Variants in SLC8A1 observed in about 807,000 individuals in gnomAD.
The protein encoded by SLC8A1 is solute carrier family 8 member A1, also known as sodium/calcium exchanger 1.
Under a neutral mutation model 68.3 loss-of-function variants are expected in SLC8A1, and 18 were observed. That is an observed-to-expected ratio of 0.26 (90% CI 0.18 to 0.39). The LOEUF (loss-of-function observed/expected upper bound fraction) is 0.39, where lower values mean the gene tolerates loss of function less well. SLC8A1 is among the 10% of genes least tolerant of loss of function. SLC8A1 has a pLI of 1.00. For synonymous variants in SLC8A1, 475 were observed against 415.5 expected, an observed-to-expected ratio of 1.14 and a Z score of -1.74; for missense variants, 985 against 1,156.7, an observed-to-expected ratio of 0.85 and a Z score of 2.15.
At chr2:40,352,648 C>T (rs1328153971) in intron 2 of SLC8A1, among the ~76,000 whole-genome samples, 2 of 152,156 alleles carry the variant, frequency 1.3e-5, no homozygotes, top group African/African-American at 4.8e-5. Context: ...AAGAGGATTT[C>T]TATGTGTACT....
intron 1 of SLC8A1, among the ~76,000 whole-genome samples, chr2:40,467,622 T>A (rs1286192202): frequency 6.6e-6 from 1 of 152,188 alleles, no homozygotes; most frequent in Non-Finnish European, 1.5e-5. Flanking sequence ...ATATAGTATG[T>A]CTTTCTATTT....
At chr2:40,444,931 T>C (rs930098652) in intron 1 of SLC8A1, among the ~76,000 whole-genome samples, 2 of 152,202 alleles carry the variant, frequency 1.3e-5, no homozygotes, top group Non-Finnish European at 2.9e-5. Context: ...ATTTTGCGTG[T>C]ACTTATCTTC....
chr2:40,326,832 T>C (rs1018367494), intron 2 of SLC8A1, among the ~76,000 whole-genome samples: 14 of 152,118 alleles, frequency 9.2e-5, no homozygotes, highest in Non-Finnish European at 1.8e-4. Context: ...TCCATTTAAA[T>C]TGACGATGTA....
At chr2:40,358,397 A>G (rs528693706) in intron 2 of SLC8A1, among the ~76,000 whole-genome samples, 1 of 152,210 alleles carries the variant, frequency 6.6e-6, no homozygotes, top group African/African-American at 2.4e-5. Context: ...GCAAAAGAAC[A>G]GTACTATCGT....
intron 2 of SLC8A1, 73 bp downstream of exon 2, chr2:40,428,400 C>A: frequency 7.0e-7 from 1 of 1,429,032 alleles, no homozygotes; most frequent in African/African-American, 1.5e-5. Context: ...GATGCACAGA[C>A]TCACATTCAT....
chr2:40,417,603 G>A (rs752324012), intron 2 of SLC8A1, among the ~76,000 whole-genome samples: 15 of 152,092 alleles, frequency 9.9e-5, no homozygotes, highest in African/African-American at 3.1e-4. Context: ...AGACCTCTCC[G>A]GCTCAAGTGA....
At chr2:40,131,851 G>C (rs911278005) in intron 7 of SLC8A1, among the ~76,000 whole-genome samples, 1 of 112,322 alleles carries the variant, frequency 8.9e-6, no homozygotes, top group African/African-American at 3.2e-5. Flanking sequence ...GATTATCTTG[G>C]TATTCTATTT....
At chr2:40,388,936 G>T (rs1484455634) in intron 2 of SLC8A1, among the ~76,000 whole-genome samples, 1 of 152,076 alleles carries the variant, frequency 6.6e-6, no homozygotes, top group African/African-American at 2.4e-5. Context: ...TGAATCTAGG[G>T]AACAAAGGAT....
chr2:40,482,939 C>A (rs960946474), intron 1 of SLC8A1, among the ~76,000 whole-genome samples: 1 of 150,668 alleles, frequency 6.6e-6, no homozygotes, highest in Admixed American at 6.6e-5. Context: ...TACAGGCGCC[C>A]GCCACCACGC....
chr2:40,481,892 T>G (rs1433104115), intron 1 of SLC8A1, among the ~76,000 whole-genome samples: 2 of 152,100 alleles, frequency 1.3e-5, no homozygotes, highest in Non-Finnish European at 2.9e-5. Flanking sequence ...AATTTTTGAG[T>G]CAGGATTATA....
At chr2:40,289,806 AG>A (rs1431878687) in intron 2 of SLC8A1, among the ~76,000 whole-genome samples, 1 of 152,104 alleles carries the variant, frequency 6.6e-6, no homozygotes, top group Non-Finnish European at 1.5e-5. Context: ...GGTTGCAGTG[AG>A]CCGAGATCGT....
intron 2 of SLC8A1, among the ~76,000 whole-genome samples, chr2:40,248,387 T>C (rs1003912825): frequency 6.6e-6 from 1 of 152,094 alleles, no homozygotes; most frequent in Non-Finnish European, 1.5e-5. Context: ...GTGAGGTTAG[T>C]GCCCTTATAA....
chr2:40,290,026 A>G (rs2069009417), intron 2 of SLC8A1, among the ~76,000 whole-genome samples: 1 of 152,096 alleles, frequency 6.6e-6, no homozygotes, highest in African/African-American at 2.4e-5. Flanking sequence ...TTGGATAATT[A>G]AAAGGCCTGT....
intron 2 of SLC8A1, among the ~76,000 whole-genome samples, chr2:40,233,872 G>A (rs2060009532): frequency 6.6e-6 from 1 of 151,522 alleles, no homozygotes; most frequent in Non-Finnish European, 1.5e-5. Flanking sequence ...CCCATTGCTT[G>A]TTTTTCTCAG....
intron 1 of SLC8A1, among the ~76,000 whole-genome samples, chr2:40,494,683 A>ATATC (rs1553625465): frequency 3.4e-5 from 4 of 116,140 alleles, no homozygotes; most frequent in African/African-American, 6.2e-5. Flanking sequence ...ATATATATAT[A>ATATC]TCCAAATGGA....
At chr2:40,411,137 A>G (rs114458774) in intron 2 of SLC8A1, among the ~76,000 whole-genome samples, 1,899 of 152,204 alleles carry the variant, frequency 0.012, 35 homozygotes, top group African/African-American at 0.044. Context: ...TTTGAAAAAC[A>G]GGTATTATCT....
At chr2:40,262,903 T>C (rs1351584971) in intron 2 of SLC8A1, among the ~76,000 whole-genome samples, 3 of 152,322 alleles carry the variant, frequency 2.0e-5, no homozygotes, top group East Asian at 3.9e-4. Flanking sequence ...TGTGGGAACA[T>C]AGGATGAAGT....
intron 2 of SLC8A1, among the ~76,000 whole-genome samples, chr2:40,375,655 A>G (rs1381478116): frequency 6.6e-6 from 1 of 152,092 alleles, no homozygotes; most frequent in Admixed American, 6.6e-5. Context: ...CAGATGAGTT[A>G]AGACCCACTC....
intron 2 of SLC8A1, among the ~76,000 whole-genome samples, chr2:40,236,828 T>A (rs1235728736): frequency 2.0e-5 from 3 of 150,692 alleles, no homozygotes; most frequent in Non-Finnish European, 3.0e-5. Flanking sequence ...TTTGCTTGTC[T>A]GTAAAGTATT....
Sources: allele counts gnomAD v4.1 joint callset (sites outside exome capture counted in the v4.1 genomes callset), GRCh38; gene constraint gnomAD v4.1.1; transcripts MANE v1.5; gene names NCBI Gene and HGNC (gene_info 2026-07-23, HGNC 2026-07-21).